Variants in CNTNAP2 observed in about 807,000 individuals in gnomAD.
CNTNAP2 encodes contactin-associated protein-like 2.
In CNTNAP2, 98 loss-of-function variants were observed where a neutral mutation model predicts 155.2. The ratio of observed to expected loss-of-function variants is 0.63; its 90% CI spans 0.54 to 0.75. The LOEUF (loss-of-function observed/expected upper bound fraction) is 0.75, where lower values mean the gene tolerates loss of function less well. CNTNAP2 is among the 30% of genes least tolerant of loss of function. CNTNAP2 has a pLI of 0.00. For synonymous variants in CNTNAP2, 651 were observed against 631.2 expected (o/e 1.03, Z -0.47); for missense variants, 1,727 against 1,688.1 (o/e 1.02, Z -0.40).
intron 10 of CNTNAP2, among the ~76,000 whole-genome samples, chr7:147,461,602 T>A (rs945332249): frequency 6.6e-6 from 1 of 152,162 alleles, no homozygotes; most frequent in Admixed American, 6.5e-5. Flanking sequence ...TGAGATGAAT[T>A]CTTTTCTTGA....
intron 10 of CNTNAP2, among the ~76,000 whole-genome samples, chr7:147,425,846 A>G (rs772466614): frequency 1.3e-5 from 2 of 152,138 alleles, no homozygotes; most frequent in African/African-American, 4.8e-5. Flanking sequence ...TTAACACGGT[A>G]TTTCCATCTG....
chr7:146,927,967 T>C (rs1163058642), intron 3 of CNTNAP2, among the ~76,000 whole-genome samples: 1 of 145,890 alleles, frequency 6.9e-6, no homozygotes, highest in East Asian at 1.9e-4. Flanking sequence ...TGTGTATATA[T>C]ATATATATAT....
intron 13 of CNTNAP2, among the ~76,000 whole-genome samples, chr7:147,647,897 T>TAAGCAAAAGCA: frequency 6.6e-6 from 1 of 151,824 alleles, no homozygotes; most frequent in African/African-American, 2.4e-5. Flanking sequence ...AGCAAGAAAA[T>TAAGCAAAAGCA]TGAGGTATGG....
At chr7:146,903,208 G>C (rs1193350521) in intron 3 of CNTNAP2, among the ~76,000 whole-genome samples, 1 of 152,120 alleles carries the variant, frequency 6.6e-6, no homozygotes, top group Admixed American at 6.5e-5. Context: ...TCAAATATCG[G>C]ACCTTGAGGG....
At chr7:147,609,546 T>C (rs1192184508) in intron 12 of CNTNAP2, among the ~76,000 whole-genome samples, 2 of 151,916 alleles carry the variant, frequency 1.3e-5, no homozygotes, top group Non-Finnish European at 2.9e-5. Flanking sequence ...ATTAATTAAT[T>C]AATTAATTAA....
At position 146,476,326 on chromosome 7, in the gene CNTNAP2, T is replaced by C. The variant is rs569963660; in HGVS notation, c.98-297945T>C. Among the ~76,000 whole-genome samples the C allele has an allele frequency of 1.3e-4, 20 of 152,286 alleles. No individual in the cohort carries two copies. The East Asian group carries it at 3.3e-3, about 25-fold the overall frequency. On this transcript the variant is annotated intron_variant, in intron 1 of 23. Coordinates refer to ENST00000361727, the MANE Select transcript of CNTNAP2 (RefSeq NM_014141.6). Reference sequence around the variant, plus strand: ...TGCTCATTAGCAATTCCATTTGATATCCAAAATTTCAACAAAAGGAAAATT... The same window carrying C: ...TGCTCATTAGCAATTCCATTTGATACCCAAAATTTCAACAAAAGGAAAATT...
chr7:148,198,902 G>T lies in CNTNAP2; in HGVS notation c.3011-18386G>T, dbSNP rs565803493. On this transcript the variant is annotated intron_variant, in intron 18 of 23. Transcript: ENST00000361727. ...ATACCTGGGCCCCATCTAGAAATTA[G>T]TCTCATGTGGGTGCTCAGAGAACAT... Among the ~76,000 whole-genome samples, 13 of 152,320 alleles carry T rather than the reference G, an allele frequency of 8.5e-5. No homozygotes were observed. In the East Asian group the frequency reaches 2.5e-3, roughly 29 times the overall value.
chr7:146,933,818 C>A (rs1458461313), intron 3 of CNTNAP2, among the ~76,000 whole-genome samples: 1 of 152,096 alleles, frequency 6.6e-6, no homozygotes, highest in African/African-American at 2.4e-5. Context: ...GACATTTATG[C>A]AGCCAAAAAG....
In CNTNAP2 at chr7:147,128,836, G is replaced by A. The variant is rs139180845; in HGVS notation, c.1083G>A (p.Val361=). The A allele has an allele frequency of 3.7e-3, 6,037 of 1,613,786 alleles. 23 individuals carry two copies. Among genetic ancestry groups the A allele is most frequent in the Non-Finnish European group, 4.6e-3 (5,403 of 1,179,856 alleles). The change falls in exon 7 of 24, where the codon GTG becomes GTA. Residue 361 remains valine, a splice_region_variant and synonymous_variant. Transcript: ENST00000361727. ...ARRKKLEPSN[V]GNLSFSCVEP... ...GGAAGAAATTAGAGCCCTCAAATGTGGTAAGGATTTTCACCCGCAAAATAT... is the reference window on the plus strand; with the variant it reads ...GGAAGAAATTAGAGCCCTCAAATGTAGTAAGGATTTTCACCCGCAAAATAT...
intron 21 of CNTNAP2, among the ~76,000 whole-genome samples, chr7:148,287,280 A>G (rs1221965780): frequency 3.9e-5 from 6 of 152,232 alleles, no homozygotes; most frequent in Non-Finnish European, 7.3e-5. Flanking sequence ...GATAAATAAT[A>G]TTTCAGCCTT....
At chr7:147,506,007 G>T (rs1002856523) in intron 11 of CNTNAP2, among the ~76,000 whole-genome samples, 9 of 152,136 alleles carry the variant, frequency 5.9e-5, no homozygotes, top group African/African-American at 2.2e-4. Context: ...CAGCAGACTG[G>T]GGTGAACAGT....
chr7:146,185,887 G>A (rs1798616585), intron 1 of CNTNAP2, among the ~76,000 whole-genome samples: 1 of 151,448 alleles, frequency 6.6e-6, no homozygotes, highest in Non-Finnish European at 1.5e-5. Flanking sequence ...ATTCTGTCTG[G>A]AGTATGTCCT....
At chr7:148,167,705 C>T (rs1234620427) in intron 17 of CNTNAP2, among the ~76,000 whole-genome samples, 1 of 151,958 alleles carries the variant, frequency 6.6e-6, no homozygotes, top group Non-Finnish European at 1.5e-5. Context: ...ATGGGGAAAC[C>T]GACGCTGAGA....
chr7:146,950,619 G>T (rs1797290692), intron 3 of CNTNAP2, among the ~76,000 whole-genome samples: 1 of 152,122 alleles, frequency 6.6e-6, no homozygotes, highest in Non-Finnish European at 1.5e-5. Flanking sequence ...CAAAGGACAT[G>T]AACTCATTCT....
chr7:147,256,497 C>A (rs1199906214), intron 8 of CNTNAP2, among the ~76,000 whole-genome samples: 1 of 152,028 alleles, frequency 6.6e-6, no homozygotes, highest in Admixed American at 6.6e-5. Flanking sequence ...CAAGAGTATA[C>A]AGGATAGAAA....
At chr7:148,341,986 G>T (rs1798244485) in intron 21 of CNTNAP2, among the ~76,000 whole-genome samples, 1 of 152,208 alleles carries the variant, frequency 6.6e-6, no homozygotes, top group Non-Finnish European at 1.5e-5. Context: ...TGAGAGGAGA[G>T]TAGGGAATTG....
intron 2 of CNTNAP2, among the ~76,000 whole-genome samples, chr7:146,784,813 G>A (rs1302723165): frequency 3.9e-5 from 6 of 152,094 alleles, no homozygotes; most frequent in African/African-American, 9.7e-5. Flanking sequence ...CCCTCTGTGC[G>A]TAGATATCGT....
At chr7:146,879,342 C>A (rs1429142717) in intron 3 of CNTNAP2, among the ~76,000 whole-genome samples, 1 of 151,972 alleles carries the variant, frequency 6.6e-6, no homozygotes, top group Non-Finnish European at 1.5e-5. Flanking sequence ...TAAGATATTC[C>A]CAACTTTTAT....
intron 20 of CNTNAP2, among the ~76,000 whole-genome samples, chr7:148,230,688 T>TA (rs1266531887): frequency 6.6e-6 from 1 of 152,202 alleles, no homozygotes; most frequent in Non-Finnish European, 1.5e-5. Context: ...CATAACTTGA[T>TA]ATGGAGTTTG....
Sources: gnomAD v4.1 joint callset for allele counts (sites outside exome capture counted in the v4.1 genomes callset) on GRCh38, gnomAD v4.1.1 for gene constraint, MANE v1.5 for transcripts, NCBI Gene and HGNC (gene_info 2026-07-23, HGNC 2026-07-21) for gene names.